The following ADGRB3 variants were observed in gnomAD, a reference collection of about 807,000 sequenced individuals.
ADGRB3 encodes brain-specific angiogenesis inhibitor 3.
ADGRB3 carries 37 observed loss-of-function variants against 193.4 expected under a neutral mutation model. The ratio of observed to expected loss-of-function variants is 0.19; its 90% CI spans 0.15 to 0.25. The LOEUF (loss-of-function observed/expected upper bound fraction) is 0.25, where lower values mean the gene tolerates loss of function less well. Ranked by LOEUF, ADGRB3 falls within the 10% of genes least tolerant of loss-of-function variation. The pLI is 1.00. For missense variants in ADGRB3, 1,637 were observed against 1,852.9 expected (o/e 0.88, Z 2.14); for synonymous variants, 690 against 644.2 (o/e 1.07, Z -1.08).
intron 17 of ADGRB3, among the ~76,000 whole-genome samples, chr6:69,161,519 G>A: frequency 6.6e-6 from 1 of 152,084 alleles, no homozygotes; most frequent in East Asian, 1.9e-4. Context: ...TAAAATTTCT[G>A]ATTCAGTAGG....
intron 17 of ADGRB3, among the ~76,000 whole-genome samples, chr6:69,127,650 A>G (rs537213912): frequency 6.6e-6 from 1 of 152,210 alleles, no homozygotes; most frequent in Non-Finnish European, 1.5e-5. Context: ...GAGTATTCAA[A>G]TAAAAAATTA....
At chr6:68,685,857 C>T (rs1422565224) in intron 3 of ADGRB3, among the ~76,000 whole-genome samples, 1 of 152,132 alleles carries the variant, frequency 6.6e-6, no homozygotes, top group Non-Finnish European at 1.5e-5. Flanking sequence ...GGCGCCACTG[C>T]ACTCCAGCCT....
At chr6:69,325,105 A>G in intron 21 of ADGRB3, 83 bp downstream of exon 21, 10 of 1,464,214 alleles carry the variant, frequency 6.8e-6, no homozygotes, top group Non-Finnish European at 7.4e-6. Flanking sequence ...GTGATTAGAC[A>G]CAGGCTACTT....
At chr6:69,304,511 T>C (rs1192206659) in intron 20 of ADGRB3, among the ~76,000 whole-genome samples, 1 of 151,672 alleles carries the variant, frequency 6.6e-6, no homozygotes, top group Admixed American at 6.6e-5. Context: ...ATGCTGCAAT[T>C]TTCTGTCTTC....
At position 68,776,682 on chromosome 6, in the gene ADGRB3, G is replaced by A. The variant is rs187547170; in HGVS notation, c.757+137250G>A. Among the ~76,000 whole-genome samples, 24 of 152,146 alleles carry A rather than the reference G, an allele frequency of 1.6e-4. 1 individual carries two copies. Among genetic ancestry groups the A allele is most frequent in the African/African-American group, 4.1e-4 (17 of 41,512 alleles). On this transcript the variant is annotated intron_variant, in intron 3 of 31. Coordinates refer to ENST00000370598, the MANE Select transcript of ADGRB3 (RefSeq NM_001704.3). Reference sequence around the variant, plus strand: ...AGGGAGTCTAAACGGAGCTAGCATGGTCCAATTAAAAGAAGCAATTATGAA... The same window carrying A: ...AGGGAGTCTAAACGGAGCTAGCATGATCCAATTAAAAGAAGCAATTATGAA...
intron 16 of ADGRB3, among the ~76,000 whole-genome samples, chr6:69,075,158 G>A (rs746825773): frequency 2.0e-5 from 3 of 152,166 alleles, no homozygotes; most frequent in Non-Finnish European, 4.4e-5. Flanking sequence ...TCAGACACAA[G>A]TGAATGATTT....
intron 28 of ADGRB3, 97 bp from the exon 29 acceptor site, chr6:69,360,772 T>A: frequency 1.6e-6 from 2 of 1,232,508 alleles, no homozygotes; most frequent in Non-Finnish European, 2.2e-6. Context: ...AAATAATATA[T>A]CTTTAATGTT....
At chr6:68,953,183 T>C (rs1345310688) in intron 6 of ADGRB3, among the ~76,000 whole-genome samples, 1 of 152,152 alleles carries the variant, frequency 6.6e-6, no homozygotes, top group Non-Finnish European at 1.5e-5. Flanking sequence ...TAGACACTCT[T>C]ATTCTCTCTT....
intron 4 of ADGRB3, among the ~76,000 whole-genome samples, chr6:68,934,962 A>T (rs1767442910): frequency 6.6e-6 from 1 of 152,222 alleles, no homozygotes; most frequent in African/African-American, 2.4e-5. Context: ...CACAACACTG[A>T]AAAGCAGTCC....
intron 17 of ADGRB3, among the ~76,000 whole-genome samples, chr6:69,129,281 A>C (rs997912411): frequency 6.6e-6 from 1 of 152,192 alleles, no homozygotes; most frequent in African/African-American, 2.4e-5. Flanking sequence ...ATGTGCATGG[A>C]ATTAAATTAA....
intron 3 of ADGRB3, among the ~76,000 whole-genome samples, chr6:68,753,980 G>A (rs639338): frequency 0.37 from 56,417 of 151,968 alleles, 11,166 homozygotes; most frequent in African/African-American, 0.5. Flanking sequence ...TGTACTATCC[G>A]TCTGAGGTAA....
At chr6:68,727,033 C>T (rs1342617418) in intron 3 of ADGRB3, among the ~76,000 whole-genome samples, 1 of 151,568 alleles carries the variant, frequency 6.6e-6, no homozygotes, top group Admixed American at 6.6e-5. Context: ...CAGAAATGCT[C>T]TCCCAGGTTA....
chr6:68,889,691 A>T (rs1370078984), intron 3 of ADGRB3, among the ~76,000 whole-genome samples: 5 of 151,856 alleles, frequency 3.3e-5, no homozygotes, highest in African/African-American at 1.2e-4. Context: ...TTTAGTAGAG[A>T]TGGGGTTTCA....
At chr6:68,883,420 CG>C (rs1381630580) in intron 3 of ADGRB3, among the ~76,000 whole-genome samples, 1 of 152,160 alleles carries the variant, frequency 6.6e-6, no homozygotes, top group Non-Finnish European at 1.5e-5. Flanking sequence ...AATCAGGTTG[CG>C]TCTCCTTCCA....
chr6:68,703,216 G>T (rs181180841), intron 3 of ADGRB3, among the ~76,000 whole-genome samples: 463 of 152,192 alleles, frequency 3.0e-3, no homozygotes, highest in African/African-American at 0.011. Flanking sequence ...ATTAAATTTT[G>T]TGGATTTCAA....
At chr6:68,774,705 A>G (rs1766705106) in intron 3 of ADGRB3, among the ~76,000 whole-genome samples, 1 of 152,104 alleles carries the variant, frequency 6.6e-6, no homozygotes, top group Non-Finnish European at 1.5e-5. Flanking sequence ...AAAAACATCC[A>G]AAAGATTTGA....
intron 10 of ADGRB3, among the ~76,000 whole-genome samples, chr6:68,982,332 C>G (rs945776109): frequency 6.6e-6 from 1 of 152,224 alleles, no homozygotes; most frequent in African/African-American, 2.4e-5. Context: ...CCTTCCTTTC[C>G]TTAGCTATTC....
chr6:68,951,181 T>TA (rs889590850), intron 6 of ADGRB3, among the ~76,000 whole-genome samples: 39 of 152,084 alleles, frequency 2.6e-4, no homozygotes, highest in African/African-American at 7.5e-4. Flanking sequence ...TTCTGGATTT[T>TA]AAAAAAAATA....
At chr6:68,699,310 T>A (rs1190498149) in intron 3 of ADGRB3, among the ~76,000 whole-genome samples, 2 of 152,116 alleles carry the variant, frequency 1.3e-5, no homozygotes, top group Non-Finnish European at 2.9e-5. Flanking sequence ...ATGAGGCAAT[T>A]CTAAAGAGTA....
Sources: gnomAD v4.1 joint callset for allele counts (sites outside exome capture counted in the v4.1 genomes callset) on GRCh38, gnomAD v4.1.1 for gene constraint, MANE v1.5 for transcripts, NCBI Gene and HGNC (gene_info 2026-07-23, HGNC 2026-07-21) for gene names.